The following TAF1B variants were observed in gnomAD, a reference collection of about 807,000 sequenced individuals.
TAF1B encodes the protein TATA box-binding protein-associated factor RNA polymerase I subunit B.
A neutral mutation model predicts 83.9 loss-of-function variants in TAF1B; 61 were observed. The ratio of observed to expected loss-of-function variants is 0.73; its 90% CI spans 0.59 to 0.90. TAF1B has a LOEUF of 0.90. Among genes scored for constraint, TAF1B ranks in the 40% least tolerant of loss-of-function variants. The pLI is 0.00. For missense variants in TAF1B, 625 were observed against 677.0 expected (o/e 0.92, Z 0.85); for synonymous variants, 221 against 224.6 (o/e 0.98, Z 0.14).
intron 14 of TAF1B, among the ~76,000 whole-genome samples, chr2:9,923,256 A>T (rs916571926): frequency 6.9e-6 from 1 of 144,694 alleles, no homozygotes; most frequent in Non-Finnish European, 1.6e-5. Context: ...AAAAAAAAAA[A>T]TTATTTCTTA....
intron 9 of TAF1B, among the ~76,000 whole-genome samples, chr2:9,905,938 C>G (rs185166263): frequency 7.5e-4 from 114 of 152,118 alleles, no homozygotes; most frequent in African/African-American, 2.6e-3. Context: ...GAATATGGCT[C>G]TTATTGAGAT....
At chr2:9,873,587 T>G (rs147995057) in intron 6 of TAF1B, among the ~76,000 whole-genome samples, 1 of 151,598 alleles carries the variant, frequency 6.6e-6, no homozygotes, top group African/African-American at 2.4e-5. Flanking sequence ...TTAACACACA[T>G]AATTCTAACA....
chr2:9,860,257 A>G (rs1663708047), intron 5 of TAF1B, among the ~76,000 whole-genome samples: 1 of 151,956 alleles, frequency 6.6e-6, no homozygotes, highest in African/African-American at 2.4e-5. Context: ...AATTTCAAGC[A>G]TGCAGTTAGA....
chr2:9,851,629 A>G lies in TAF1B; in HGVS notation c.294A>G (p.Pro98=). 1 of 1,610,192 alleles carries G rather than the reference A, an allele frequency of 6.2e-7. No homozygotes were observed. Among genetic ancestry groups the G allele is most frequent in the African/African-American group, 1.3e-5 (1 of 74,824 alleles). ...CCTTAAAGAACCTTGGAGTAGGCCC[A>G]GAGTTAAAGGTAAGTACATTTGTGA... ...AEALKNLGVG[P]ELKNDVLHNF... The change falls in exon 4 of 15, where the codon CCA becomes CCG. Residue 98 remains proline, a synonymous_variant. Transcript: ENST00000263663.
intron 8 of TAF1B, among the ~76,000 whole-genome samples, chr2:9,894,119 T>C (rs994740870): frequency 6.6e-5 from 10 of 152,314 alleles, no homozygotes; most frequent in East Asian, 1.9e-4. Flanking sequence ...TATTTAATGC[T>C]TCTATTTTAT....
intron 8 of TAF1B, among the ~76,000 whole-genome samples, chr2:9,900,083 A>T (rs1665138739): frequency 6.6e-6 from 1 of 152,232 alleles, no homozygotes; most frequent in South Asian, 2.1e-4. Flanking sequence ...GAAAATTCTC[A>T]CAAAACATAA....
chr2:9,920,272 C>G (rs1432076816), intron 14 of TAF1B, among the ~76,000 whole-genome samples: 1 of 152,090 alleles, frequency 6.6e-6, no homozygotes, highest in East Asian at 1.9e-4. Flanking sequence ...CACCCACAGT[C>G]CATATTCCAA....
At chr2:9,874,461 A>C (rs1288436720) in intron 6 of TAF1B, among the ~76,000 whole-genome samples, 1 of 151,330 alleles carries the variant, frequency 6.6e-6, no homozygotes, top group Non-Finnish European at 1.5e-5. Flanking sequence ...TTTTTTAGAG[A>C]AAGTCTCTCC....
At chr2:9,859,512 G>A (rs763706843) in intron 5 of TAF1B, among the ~76,000 whole-genome samples, 12 of 151,258 alleles carry the variant, frequency 7.9e-5, no homozygotes, top group East Asian at 5.8e-4. Context: ...TTAGCCTCCC[G>A]AGTAGCTGGG....
chr2:9,854,307 C>T lies in TAF1B; in HGVS notation c.304-19C>T, dbSNP rs767947502. 3.1e-6 allele frequency: 5 copies of T among 1,593,608 alleles called. No homozygotes were observed. Among genetic ancestry groups the T allele is most frequent in the Admixed American group, 3.3e-5 (2 of 59,988 alleles). On this transcript the variant is annotated intron_variant, in intron 4 of 14. Transcript: ENST00000263663. ...GTCATAACCTGAATCACCCACCACT[C>T]ATTTCCCTTCCACCTTAGAACGATG... is the stretch of plus-strand genomic sequence containing the variant.
In TAF1B at chr2:9,849,438, G is replaced by A. The variant is rs1164789041; in HGVS notation, c.183G>A (p.Gly61=). The part of the protein sequence containing the change: ...PNTQIKALNR[G]LKKKNNTEKG... Reference sequence around the variant, plus strand: ...CCCAAATAAAAGCCCTCAACCGGGGGCTTAAAAAAAAAAACAATACTGGTA... The same window carrying A: ...CCCAAATAAAAGCCCTCAACCGGGGACTTAAAAAAAAAAACAATACTGGTA... The change falls in exon 3 of 15, where the codon GGG becomes GGA. Residue 61 remains glycine (G), a synonymous_variant. Transcript: ENST00000263663. 2 of 1,573,326 alleles carry A rather than the reference G, an allele frequency of 1.3e-6. No individual in the cohort carries two copies. The highest frequency in any genetic ancestry group is 2.4e-5 in the South Asian group (2 of 84,442).
In TAF1B at chr2:9,919,788, A is replaced by G. The variant is rs1665815094; in HGVS notation, c.1533A>G (p.Leu511=). The G allele has an allele frequency of 1.2e-6, 2 of 1,614,052 alleles. No homozygotes were observed. Among genetic ancestry groups the G allele is most frequent in the South Asian group, 1.1e-5 (1 of 91,076 alleles). ...KGQSLLTKNS[L]YWLSTQKFCR... ...AATCACTGCTGACTAAGAATTCATT[A>G]TATTGGCTTAGTACACAGAAATTCT... The change falls in exon 14 of 15, where the codon TTA becomes TTG. Residue 511 remains leucine (L), a synonymous_variant. Transcript: ENST00000263663.
At chr2:9,868,202 GTTGT>G (rs1164647296) in intron 5 of TAF1B, 70 bp from the exon 6 acceptor site, 18 of 1,483,420 alleles carry the variant, frequency 1.2e-5, no homozygotes, top group African/African-American at 4.2e-5. Context: ...TGTGATAGGA[GTTGT>G]TTAAGTTCAC....
chr2:9,861,857 A>G (rs1663778020), intron 5 of TAF1B, among the ~76,000 whole-genome samples: 1 of 152,224 alleles, frequency 6.6e-6, no homozygotes, highest in African/African-American at 2.4e-5. Flanking sequence ...GACCTCCAGC[A>G]AACTCCAACA....
rs13426996 is a variant in TAF1B at position 9,860,606 on chromosome 2, G to A, written c.399+6185G>A. Among the ~76,000 whole-genome samples, 180 of 152,260 alleles carry A rather than the reference G, an allele frequency of 1.2e-3. 1 individual carries two copies. Among genetic ancestry groups the A allele is most frequent in the African/African-American group, 4.0e-3 (166 of 41,536 alleles). ...ATAACTTAGCCCTAGGTCATTCTAC[G>A]GTTAAGATGTTTGGGATAAAAGAGG... is the stretch of plus-strand genomic sequence containing the variant. On this transcript the variant is annotated intron_variant, in intron 5 of 14. Transcript: ENST00000263663.
rs1665810220 is a variant in TAF1B at position 9,919,705 on chromosome 2, A to G, written c.1450A>G (p.Thr484Ala). 4 of 1,614,218 alleles carry G rather than the reference A, an allele frequency of 2.5e-6. No individual in the cohort carries two copies. The highest frequency in any genetic ancestry group is 3.4e-6 in the Non-Finnish European group (4 of 1,180,026). The change falls in exon 14 of 15, where the codon ACT becomes GCT. Residue 484 changes from threonine (T) to alanine (A), a missense_variant. Thr to Ala is a moderately conservative substitution (Grantham distance 58). Coordinates refer to ENST00000263663, the MANE Select transcript of TAF1B (RefSeq NM_005680.3). ...TCAGTTCAACTGGACTGAAGAGGAC[A>G]CTGATAGAACGTGTTTCCATGGACA... ...SFQFNWTEED[T>A]DRTCFHGHSL...
chr2:9,882,690 C>A lies in TAF1B; in HGVS notation c.708-16C>A, dbSNP rs1308911865. ...TATATAACTCTCATTAAACCTTTTT[C>A]TTTTTAAAAATACAGGTTTGTTGAA... is the stretch of plus-strand genomic sequence containing the variant. On this transcript the variant is annotated splice_polypyrimidine_tract_variant and intron_variant, in intron 7 of 14. Transcript: ENST00000263663. 1.3e-6 allele frequency: 2 copies of A among 1,576,350 alleles called. No homozygotes were observed. The highest frequency in any genetic ancestry group is 3.7e-5 in the Admixed American group (2 of 54,664).
chr2:9,874,499 T>G (rs77031489), intron 6 of TAF1B, among the ~76,000 whole-genome samples: 9,623 of 152,156 alleles, frequency 0.063, 380 homozygotes, highest in East Asian at 0.17. Flanking sequence ...CTCGCATTCT[T>G]GGGCTCAAGT....
chr2:9,860,285 C>T (rs1028987922), intron 5 of TAF1B, among the ~76,000 whole-genome samples: 2 of 152,134 alleles, frequency 1.3e-5, no homozygotes, highest in African/African-American at 4.8e-5. Context: ...GTCTGCAGTT[C>T]AGGAGAGAGG....
Sources: gnomAD v4.1 joint callset for allele counts (sites outside exome capture counted in the v4.1 genomes callset) on GRCh38, gnomAD v4.1.1 for gene constraint, MANE v1.5 for transcripts, NCBI Gene and HGNC (gene_info 2026-07-23, HGNC 2026-07-21) for gene names.